Variants in GK3 observed in about 807,000 individuals in gnomAD.
GK3 encodes the protein glycerol kinase 3.
the GK3 span, chr4:165,278,038 T>C: frequency 2.0e-6 from 3 of 1,512,322 alleles, no homozygotes; most frequent in Non-Finnish European, 2.8e-6. Context: ...TGCTACTCAC[T>C]ATAAAAAAGC....
chr4:165,277,821 T>C, the GK3 span: 1 of 663,694 alleles, frequency 1.5e-6, no homozygotes, highest in East Asian at 2.5e-5. Flanking sequence ...TGCTGCATTT[T>C]CTTTATTTTA....
chr4:165,278,832 T>A, the GK3 span: 1 of 1,544,896 alleles, frequency 6.5e-7, no homozygotes, highest in Non-Finnish European at 9.0e-7. Flanking sequence ...GCTTGTCCAA[T>A]CTGGAAGCAC....
the GK3 span, chr4:165,278,558 G>A: frequency 5.0e-6 from 8 of 1,611,038 alleles, 1 homozygote; most frequent in South Asian, 7.7e-5. Context: ...CCCCGAAAAT[G>A]CTGGGACGAA....
the GK3 span, chr4:165,278,932 C>G: frequency 6.8e-5 from 98 of 1,432,736 alleles, no homozygotes; most frequent in Non-Finnish European, 9.2e-5. Flanking sequence ...GGCCATAGAT[C>G]TCAGAAGAAC....
the GK3 span, chr4:165,278,079 C>A: frequency 6.5e-7 from 1 of 1,547,376 alleles, no homozygotes; most frequent in Non-Finnish European, 8.9e-7. Flanking sequence ...ACACTAGGGT[C>A]ACCACCTTCT....
chr4:165,278,952 G>T, the GK3 span: 39 of 1,470,214 alleles, frequency 2.7e-5, no homozygotes, highest in Non-Finnish European at 3.7e-5. Context: ...CTCCGAACAT[G>T]TGGAAGAATT....
At chr4:165,278,426 A>G in the GK3 span, 1 of 1,463,040 alleles carries the variant, frequency 6.8e-7, no homozygotes. Context: ...GGCATCCAAA[A>G]TCTCTCGAGT....
chr4:165,278,562 G>C, the GK3 span: 17 of 1,610,300 alleles, frequency 1.1e-5, no homozygotes, highest in Non-Finnish European at 1.4e-5. Flanking sequence ...GAAAATGCTG[G>C]GACGAAGTAG....
chr4:165,278,408 C>T, the GK3 span: 32 of 1,384,736 alleles, frequency 2.3e-5, no homozygotes, highest in Admixed American at 3.2e-4. Flanking sequence ...TCCACAGTCT[C>T]GATTCATGGC....
the GK3 span, chr4:165,278,460 C>T: frequency 1.9e-6 from 3 of 1,554,268 alleles, no homozygotes; most frequent in Non-Finnish European, 2.7e-6. Flanking sequence ...GCTTCTAATG[C>T]AGCAAAAGCA....
the GK3 span, chr4:165,278,551 C>A: frequency 1.2e-6 from 2 of 1,611,478 alleles, no homozygotes; most frequent in Non-Finnish European, 1.7e-6. Context: ...CATATAACCC[C>A]GAAAATGCTG....
the GK3 span, chr4:165,279,452 T>G: frequency 6.3e-7 from 1 of 1,599,944 alleles, no homozygotes; most frequent in African/African-American, 1.3e-5. Flanking sequence ...TATACACTCA[T>G]AGACAGAATG....
the GK3 span, chr4:165,278,521 G>T: frequency 1.2e-6 from 2 of 1,607,924 alleles, no homozygotes; most frequent in Non-Finnish European, 8.5e-7. Flanking sequence ...TCCCTCTTGC[G>T]CTGGGCTCCC....
chr4:165,278,527 C>A, the GK3 span: 1 of 1,609,396 alleles, frequency 6.2e-7, no homozygotes, highest in Non-Finnish European at 8.5e-7. Flanking sequence ...TTGCGCTGGG[C>A]TCCCAATAAG....
chr4:165,278,945 C>T, the GK3 span: 35 of 1,463,402 alleles, frequency 2.4e-5, no homozygotes, highest in Middle Eastern at 6.9e-4. Flanking sequence ...AGAAGAACTC[C>T]GAACATGTGG....
the GK3 span, chr4:165,279,497 T>A: frequency 2.5e-6 from 4 of 1,574,452 alleles, no homozygotes; most frequent in Middle Eastern, 5.0e-4. Context: ...CACCCATCCT[T>A]CTCTTGGGAA....
the GK3 span, chr4:165,278,363 A>C: frequency 2.4e-6 from 3 of 1,266,178 alleles, no homozygotes; most frequent in Non-Finnish European, 3.5e-6. Context: ...GTTGCTGGTC[A>C]TTCCTCCATC....
the GK3 span, chr4:165,278,154 T>C: frequency 2.7e-6 from 4 of 1,485,108 alleles, no homozygotes; most frequent in South Asian, 4.5e-5. Flanking sequence ...GAATAACGAA[T>C]TTCACTTTCC....
the GK3 span, chr4:165,278,446 A>G: frequency 2.0e-6 from 3 of 1,524,158 alleles, no homozygotes; most frequent in Admixed American, 1.7e-5. Flanking sequence ...TTTGGAAACA[A>G]ACAGCTTCTA....
Sources: gnomAD v4.1 joint callset for allele counts on GRCh38, gnomAD v4.1.1 for gene constraint, MANE v1.5 for transcripts, NCBI Gene and HGNC (gene_info 2026-07-23, HGNC 2026-07-21) for gene names.